Variants in CELSR1 observed in about 807,000 individuals in gnomAD.
CELSR1 encodes the protein adhesion G protein-coupled receptor C1.
A neutral mutation model predicts 249.1 loss-of-function variants in CELSR1; 110 were observed. The ratio of observed to expected loss-of-function variants is 0.44; its 90% confidence interval spans 0.38 to 0.52. The LOEUF (loss-of-function observed/expected upper bound fraction) is 0.52. Among genes scored for constraint, CELSR1 ranks in the 20% least tolerant of loss-of-function variants. The probability of loss-of-function intolerance (pLI) is 0.00; values close to 1 mark genes in which losing one functional copy is unlikely to be tolerated. For missense variants in CELSR1, 4,109 were observed against 4,296.4 expected, an observed-to-expected ratio of 0.96 and a Z score of 1.22; for synonymous variants, 2,113 against 1,900.0, an observed-to-expected ratio of 1.11 and a Z score of -2.92.
chr22:46,528,194 C>T (rs980642399), intron 1 of CELSR1, among the ~76,000 whole-genome samples: 3 of 152,060 alleles, frequency 2.0e-5, no homozygotes, highest in Non-Finnish European at 4.4e-5. Flanking sequence ...AACAGTAGCC[C>T]GCCCCTACTT....
rs990239401 is a variant in CELSR1 at position 46,500,397 on chromosome 22, C to T, written c.3544+33230G>A. ...GCAGAGATCACATTTACAGCGGTGG[C>T]GGTAACCATGGAAACTGGCAGTCGG... On this transcript the variant is annotated intron_variant, in intron 1 of 34. Coordinates refer to ENST00000674500, the MANE Select transcript of CELSR1 (RefSeq NM_001378328.1). This position sits in a 1 kb window ranked among gnomAD's most constrained non-coding sequence, Gnocchi z 4.9. 3.9e-5 allele frequency among the ~76,000 whole-genome samples: 6 copies of T among 152,116 alleles called. No homozygotes were observed. The highest frequency in any genetic ancestry group is 2.1e-4 in the South Asian group (1 of 4,824).
chr22:46,477,893 C>T (rs893580868), intron 1 of CELSR1, among the ~76,000 whole-genome samples: 2 of 152,128 alleles, frequency 1.3e-5, no homozygotes, highest in Admixed American at 6.5e-5. Flanking sequence ...TGTGGACTCT[C>T]GTGGGGGCTG....
In CELSR1 at chr22:46,404,618, G is replaced by GGA. The variant is rs543305087; in HGVS notation, c.5226+4377_5226+4378insTC. ...TTTGGGTTTTTGGTGGGGGAGGGGG[G>GGA]CACACACACACAAAAAAACAGATGC... is the stretch of plus-strand genomic sequence containing the variant. On this transcript the variant is annotated intron_variant, in intron 9 of 34. Transcript: ENST00000674500. Among the ~76,000 whole-genome samples, 566 of 151,756 alleles carry GGA rather than the reference G, an allele frequency of 3.7e-3. 4 individuals are homozygous for GGA. The highest frequency in any genetic ancestry group is 6.5e-3 in the Non-Finnish European group (441 of 67,910).
intron 24 of CELSR1, among the ~76,000 whole-genome samples, chr22:46,375,767 C>T (rs2078912373): frequency 6.6e-6 from 1 of 152,172 alleles, no homozygotes; most frequent in African/African-American, 2.4e-5. Context: ...TGGCCTCGAA[C>T]TCCTTGACCT....
At chr22:46,439,016 C>T (rs1449251626) in intron 3 of CELSR1, among the ~76,000 whole-genome samples, 173 bp downstream of exon 3, 1 of 152,196 alleles carries the variant, frequency 6.6e-6, no homozygotes, top group Non-Finnish European at 1.5e-5. Context: ...CCTCGGCCTC[C>T]CAAAGTGCTG....
rs1409057755 is a variant in CELSR1, at chr22:46,394,149, T to G, written c.5957A>C (p.Gln1986Pro). Reference sequence around the variant, plus strand: ...ATGGGGGCGGGGCCTCACCTTGCATTGGCACTGGCCGTTGGTCTTATTACA... The same window carrying G: ...ATGGGGGCGGGGCCTCACCTTGCATGGGCACTGGCCGTTGGTCTTATTACA... Reference protein sequence around the residue: ...PDCNKTNGQCQCKENYYKLLA... With the variant: ...PDCNKTNGQCPCKENYYKLLA... Residue 1986 changes from glutamine (Q) to proline (P), a missense_variant, in exon 14 of 35, where the codon CAA becomes CCA. This residue lies in a region of CELSR1 where 1,805 missense variants were observed against 1,831.6 expected (regional missense o/e 0.99). Transcript: ENST00000674500. 3.7e-6 allele frequency: 6 copies of G among 1,613,680 alleles called. No individual in the cohort carries two copies. Among genetic ancestry groups the G allele is most frequent in the Non-Finnish European group, 5.1e-6 (6 of 1,179,782 alleles).
Position 46,372,899 on chromosome 22 carries a change from G to A in CELSR1, c.7743C>T (p.Ile2581=). The A allele has an allele frequency of 1.2e-6, 2 of 1,608,240 alleles. No homozygotes were observed. The highest frequency in any genetic ancestry group is 2.2e-5 in the South Asian group (2 of 90,504). ...CATCCTCACCTGTGACAATGGCCGG[G>A]ATGCCCCAGCCCACGACGTAGTAGA... ...MRFYYVVGWG[I]PAIVTGLAVG... is the part of the protein sequence containing the mutation. The change falls in exon 25 of 35, where the codon ATC becomes ATT. Residue 2581 remains isoleucine, a synonymous_variant. Coordinates refer to ENST00000674500, the MANE Select transcript of CELSR1 (RefSeq NM_001378328.1).
chr22:46,411,842 G>A lies in CELSR1; in HGVS notation c.4612-83C>T, dbSNP rs981382239. The A allele has an allele frequency of 6.4e-7, 1 of 1,565,786 alleles. No individual in the cohort carries two copies. The highest frequency in any genetic ancestry group is 1.3e-5 in the African/African-American group (1 of 74,228). On this transcript the variant is annotated intron_variant, in intron 5 of 34. Coordinates refer to ENST00000674500, the MANE Select transcript of CELSR1 (RefSeq NM_001378328.1). This position sits in a 1 kb window ranked among gnomAD's most constrained non-coding sequence, Gnocchi z 4.2. The stretch of plus-strand genomic sequence containing the variant: ...GGCGCACCTGTCACTCATAGAGCGA[G>A]GAGGACATGGCACAGGGTGGGCGGC...
Position 46,406,017 on chromosome 22 carries a change from G to A in CELSR1, c.5226+2979C>T, listed in dbSNP as rs1362376939. On this transcript the variant is annotated intron_variant, in intron 9 of 34. Coordinates refer to ENST00000674500, the MANE Select transcript of CELSR1 (RefSeq NM_001378328.1). The surrounding 1 kb of genome is among the most constrained non-coding windows in gnomAD (Gnocchi z 5.4). ...ACAGGGAGGGCTGGCTGTAGTCCCT[G>A]GCAAAATTCCTAATCTGGGGATGAG... Among the ~76,000 whole-genome samples the A allele has an allele frequency of 6.6e-6, 1 of 152,110 alleles. No homozygotes were observed. The highest frequency in any genetic ancestry group is 1.5e-5 in the Non-Finnish European group (1 of 68,032).
chr22:46,472,505 C>T lies in CELSR1; in HGVS notation c.3545-8160G>A, dbSNP rs2080166316. Among the ~76,000 whole-genome samples, 1 of 152,102 alleles carries T rather than the reference C, an allele frequency of 6.6e-6. No homozygotes were observed. Among genetic ancestry groups the T allele is most frequent in the South Asian group, 2.1e-4 (1 of 4,816 alleles). On this transcript the variant is annotated intron_variant, in intron 1 of 34. Transcript: ENST00000674500. This position sits in a 1 kb window ranked among gnomAD's most constrained non-coding sequence, Gnocchi z 7.0. The stretch of plus-strand genomic sequence containing the variant: ...GCTGATGCTGGACGGCCCCGGGAGA[C>T]AGGGGAGTAGGTTTCCTGGGAAGAA...
intron 1 of CELSR1, among the ~76,000 whole-genome samples, chr22:46,522,183 T>C (rs759068841): frequency 3.9e-5 from 6 of 152,206 alleles, no homozygotes; most frequent in Non-Finnish European, 5.9e-5. Context: ...TGGAGTGCAG[T>C]GATGCAATCT....
intron 1 of CELSR1, among the ~76,000 whole-genome samples, chr22:46,469,388 C>T (rs1179831750): frequency 1.3e-5 from 2 of 152,198 alleles, no homozygotes; most frequent in African/African-American, 2.4e-5. Context: ...TTCTCAGACA[C>T]TGGCTACACC....
chr22:46,374,251 G>A lies in CELSR1; in HGVS notation c.7585-1194C>T, dbSNP rs756299308. 3.9e-5 allele frequency among the ~76,000 whole-genome samples: 6 copies of A among 152,200 alleles called. No individual in the cohort carries two copies. Among genetic ancestry groups the A allele is most frequent in the Non-Finnish European group, 5.9e-5 (4 of 68,032 alleles). The stretch of plus-strand genomic sequence containing the variant: ...TCAGGAAAAGGAAGGGGGTGAGAAG[G>A]TTGGTTGGCTGGATGGCTGCTTCAA... On this transcript the variant is annotated intron_variant, in intron 24 of 34. Coordinates refer to ENST00000674500, the MANE Select transcript of CELSR1 (RefSeq NM_001378328.1). This position sits in a 1 kb window ranked among gnomAD's most constrained non-coding sequence, Gnocchi z 4.3.
At position 46,417,215 on chromosome 22, in the gene CELSR1, T is replaced by C. The variant is rs148416395; in HGVS notation, c.4612-5456A>G. Among the ~76,000 whole-genome samples, 1,066 of 152,262 alleles carry C rather than the reference T, an allele frequency of 7.0e-3. 11 individuals are homozygous for C. The highest frequency in any genetic ancestry group is 0.024 in the African/African-American group (996 of 41,546). ...GCAAGACCCCGTGCCAGTTCTGGCATGGAGACGACAAGCTCTCCCTCGGAG... is the reference window on the plus strand; with the variant it reads ...GCAAGACCCCGTGCCAGTTCTGGCACGGAGACGACAAGCTCTCCCTCGGAG... On this transcript the variant is annotated intron_variant, in intron 5 of 34. Transcript: ENST00000674500. The surrounding 1 kb of genome is among the most constrained non-coding windows in gnomAD (Gnocchi z 4.1).
intron 23 of CELSR1, 91 bp downstream of exon 23, chr22:46,378,500 G>A: frequency 7.0e-7 from 1 of 1,425,142 alleles, no homozygotes. Context: ...TTTGAGGACG[G>A]GCAGGTTTGG....
chr22:46,369,612 G>A (rs1316821298), intron 26 of CELSR1, 80 bp downstream of exon 26: 5 of 1,342,832 alleles, frequency 3.7e-6, no homozygotes, highest in Non-Finnish European at 5.3e-6. Flanking sequence ...AGGAGTTGGT[G>A]GCCCCAGCCA....
At chr22:46,414,329 C>T (rs1341669071) in intron 5 of CELSR1, among the ~76,000 whole-genome samples, 2 of 152,196 alleles carry the variant, frequency 1.3e-5, no homozygotes, top group African/African-American at 4.8e-5. Flanking sequence ...GCCGAATGTT[C>T]TCAGGTGGAG....
Position 46,430,924 on chromosome 22 carries a change from C to T in CELSR1, c.4611+2469G>A, listed in dbSNP as rs1186210051. ...GTGCTCATAATCTCTGCTAACACAT[C>T]CTAGTGTGTGGCCCCGTCAGACCTC... On this transcript the variant is annotated intron_variant, in intron 5 of 34. Transcript: ENST00000674500. This position sits in a 1 kb window ranked among gnomAD's most constrained non-coding sequence, Gnocchi z 4.6. 6.6e-6 allele frequency among the ~76,000 whole-genome samples: 1 copy of T among 152,200 alleles called. No individual in the cohort carries two copies. Among genetic ancestry groups the T allele is most frequent in the Non-Finnish European group, 1.5e-5 (1 of 68,028 alleles).
At chr22:46,392,020 GAGC>G (rs1361948402) in intron 14 of CELSR1, among the ~76,000 whole-genome samples, 4 of 152,240 alleles carry the variant, frequency 2.6e-5, no homozygotes, top group African/African-American at 9.6e-5. Context: ...GGACCCAGGA[GAGC>G]AGTTCTTCCG....
Sources: allele counts gnomAD v4.1 joint callset (sites outside exome capture counted in the v4.1 genomes callset), GRCh38; gene constraint gnomAD v4.1.1; regional missense constraint gnomAD v4.1.1; non-coding constraint Gnocchi (gnomAD v3.1); transcripts MANE v1.5; gene names NCBI Gene and HGNC (gene_info 2026-07-23, HGNC 2026-07-21).